Variants in UFD1 observed in about 807,000 individuals in gnomAD.
The protein encoded by UFD1 is ubiquitin recognition factor in ER associated degradation 1, also known as ubiquitin recognition factor in ER-associated degradation protein 1.
In UFD1, 13 loss-of-function variants were observed where a neutral mutation model predicts 45.9. The observed-to-expected ratio is 0.28, with a 90% CI of 0.18 to 0.45. UFD1 has a LOEUF of 0.45. UFD1 is among the 20% of genes least tolerant of loss of function. The pLI is 1.00. For missense variants in UFD1, 218 were observed against 389.2 expected (o/e 0.56, Z 3.70); for synonymous variants, 128 against 139.2 (o/e 0.92, Z 0.56).
At chr22:19,470,325 C>T (rs1486377750) in intron 4 of UFD1, among the ~76,000 whole-genome samples, 2 of 152,122 alleles carry the variant, frequency 1.3e-5, no homozygotes, top group Non-Finnish European at 2.9e-5. Flanking sequence ...CTGGCCAGGC[C>T]CAGACCTTGG....
chr22:19,470,193 G>A (rs1004591448), intron 4 of UFD1: 1 of 429,346 alleles, frequency 2.3e-6, no homozygotes, highest in African/African-American at 2.0e-5. Context: ...TGGGCTTTGA[G>A]GCATAAAAGC....
At chr22:19,464,253 G>A (rs1406023257) in intron 6 of UFD1, among the ~76,000 whole-genome samples, 1 of 152,206 alleles carries the variant, frequency 6.6e-6, no homozygotes, top group Non-Finnish European at 1.5e-5. Flanking sequence ...GTCCCCGAAG[G>A]GACCAGAGAG....
chr22:19,454,482 C>T (rs1334462569), intron 11 of UFD1: 2 of 779,392 alleles, frequency 2.6e-6, no homozygotes, highest in Non-Finnish European at 3.6e-6. Flanking sequence ...GTAGGTGTTT[C>T]CCTGCACCAG....
At chr22:19,469,308 G>A (rs2089827129) in intron 4 of UFD1, among the ~76,000 whole-genome samples, 1 of 152,150 alleles carries the variant, frequency 6.6e-6, no homozygotes, top group Admixed American at 6.5e-5. Context: ...AAGGATACTG[G>A]GCTGCAATTG....
chr22:19,452,122 G>T, intron 11 of UFD1: 1 of 195,212 alleles, frequency 5.1e-6, no homozygotes, highest in Non-Finnish European at 9.3e-6. Flanking sequence ...CCAAAGATAG[G>T]GTGGCTCAAA....
At chr22:19,451,693 T>C (rs1387228971) in intron 11 of UFD1, 5 of 985,394 alleles carry the variant, frequency 5.1e-6, no homozygotes, top group Non-Finnish European at 6.0e-6. Flanking sequence ...TTAGTATTTA[T>C]GTGGTCACAT....
Position 19,471,750 on chromosome 22 carries a change from G to A in UFD1, c.228C>T (p.Arg76=), listed in dbSNP as rs2089847669. 6.2e-7 allele frequency: 1 copy of A among 1,614,160 alleles called. No individual in the cohort carries two copies. Among genetic ancestry groups the A allele is most frequent in the Non-Finnish European group, 8.5e-7 (1 of 1,180,050 alleles). ...ACTCCAGCACGCCACAATGCGTCAT[G>A]CGGTCCGAATTCTTATTGGTCAGTT... is the stretch of plus-strand genomic sequence containing the variant. ...LFKLTNKNSD[R]MTHCGVLEFV... is the part of the protein sequence containing the mutation. The change falls in exon 4 of 12, where the codon CGC becomes CGT. Residue 76 remains arginine, a synonymous_variant. Coordinates refer to ENST00000263202, the MANE Select transcript of UFD1 (RefSeq NM_005659.7).
At chr22:19,452,772 G>C (rs1203692778) in intron 11 of UFD1, 1 of 152,540 alleles carries the variant, frequency 6.6e-6, no homozygotes, top group East Asian at 1.9e-4. Flanking sequence ...TGATCTTCCC[G>C]CATCAGCCTC....
At position 19,452,063 on chromosome 22, in the gene UFD1, T is replaced by C. The variant is rs117160514; in HGVS notation, c.850-1319A>G. 8.2e-3 allele frequency: 4,248 copies of C among 518,906 alleles called. 21 individuals are homozygous for C. Among genetic ancestry groups the C allele is most frequent in the Non-Finnish European group, 9.7e-3 (3,929 of 404,322 alleles). The allele number at this position is 518,906 out of a possible 1,614,324, so 32.1% of individuals were successfully genotyped here. A position where few individuals can be genotyped will look rare whatever the true frequency, so the allele number is the denominator to read the frequency against. ...TCCTTTTTTCTAATCTCATATTTCA[T>C]TGATAGGCTGGTTGGTATGTTAGTC... On this transcript the variant is annotated intron_variant, in intron 11 of 11. Coordinates refer to ENST00000263202, the MANE Select transcript of UFD1 (RefSeq NM_005659.7).
intron 1 of UFD1, 40 bp downstream of exon 1, chr22:19,479,043 G>A (rs2089923782): frequency 6.2e-7 from 1 of 1,600,156 alleles, no homozygotes; most frequent in Non-Finnish European, 8.5e-7. Flanking sequence ...CAGGCCCCGG[G>A]CCAAGGCCCA....
At chr22:19,467,745 A>G in intron 5 of UFD1, 128 bp downstream of exon 5, 8 of 1,489,794 alleles carry the variant, frequency 5.4e-6, no homozygotes, top group Non-Finnish European at 7.2e-6. Flanking sequence ...ATTATTCTCA[A>G]ATCACAACTT....
chr22:19,450,807 C>T (rs1362725941), intron 11 of UFD1, 63 bp from the exon 12 acceptor site: 2 of 1,612,148 alleles, frequency 1.2e-6, no homozygotes, highest in South Asian at 1.1e-5. Context: ...AAATGCCTTA[C>T]TCTATGGACT....
At chr22:19,453,116 G>A (rs997633174) in intron 11 of UFD1, 8 of 985,252 alleles carry the variant, frequency 8.1e-6, no homozygotes, top group Admixed American at 1.2e-4. Context: ...TACTGGAGTC[G>A]AGCCTCCAGC....
At chr22:19,459,294 C>T (rs1036452156) in intron 6 of UFD1, among the ~76,000 whole-genome samples, 2 of 152,156 alleles carry the variant, frequency 1.3e-5, no homozygotes, top group Admixed American at 6.5e-5. Context: ...GATGACCTCA[C>T]CTATGTAAAA....
At chr22:19,456,105 T>A (rs2089720940) in intron 9 of UFD1, among the ~76,000 whole-genome samples, 1 of 152,178 alleles carries the variant, frequency 6.6e-6, no homozygotes, top group Non-Finnish European at 1.5e-5. Flanking sequence ...CAGCTTCCCA[T>A]CATTCTGCCC....
At position 19,450,616 on chromosome 22, in the gene UFD1, C is replaced by G; in HGVS notation, c.*54G>C. 6.2e-7 allele frequency: 1 copy of G among 1,610,698 alleles called. No individual in the cohort carries two copies. On this transcript the variant is annotated 3_prime_UTR_variant, in exon 12 of 12. Coordinates refer to ENST00000263202, the MANE Select transcript of UFD1 (RefSeq NM_005659.7). ...CCTGTCAGTGCCAGTAACTAAAAGC[C>G]AAGATGTTGCAAATGATTCTTTTAT...
chr22:19,459,316 A>G (rs567886740), intron 6 of UFD1, among the ~76,000 whole-genome samples: 4 of 152,214 alleles, frequency 2.6e-5, no homozygotes, highest in Non-Finnish European at 5.9e-5. Context: ...AGGCACATAA[A>G]AAATGTCCAG....
rs571645878 is a variant in UFD1 at position 19,473,618 on chromosome 22, T to C, written c.169+1450A>G. 5.3e-5 allele frequency among the ~76,000 whole-genome samples: 8 copies of C among 152,328 alleles called. No homozygotes were observed. The East Asian group carries it at 1.5e-3, about 29-fold the overall frequency. On this transcript the variant is annotated intron_variant, in intron 3 of 11. Transcript: ENST00000263202. Reference sequence around the variant, plus strand: ...GAACTCCATAGCTCTGTTGACCTACTGGTTGAGCTGAGGCCTCCACTGGGT... The same window carrying C: ...GAACTCCATAGCTCTGTTGACCTACCGGTTGAGCTGAGGCCTCCACTGGGT...
intron 10 of UFD1, among the ~76,000 whole-genome samples, chr22:19,455,269 T>C (rs186628747): frequency 2.6e-5 from 4 of 152,300 alleles, no homozygotes; most frequent in Non-Finnish European, 4.4e-5. Context: ...ACATCTGAGG[T>C]AGCTCCTCAG....
Sources: allele counts gnomAD v4.1 joint callset (sites outside exome capture counted in the v4.1 genomes callset), GRCh38; gene constraint gnomAD v4.1.1; transcripts MANE v1.5; gene names NCBI Gene and HGNC (gene_info 2026-07-23, HGNC 2026-07-21).